The following MBD5 variants were observed in gnomAD, a reference collection of about 807,000 sequenced individuals.
MBD5 encodes methyl-CpG binding domain protein 5.
MBD5 carries 13 observed loss-of-function variants against 117.3 expected under a neutral mutation model. The ratio of observed to expected loss-of-function variants is 0.11; its 90% confidence interval spans 0.07 to 0.18. The LOEUF is 0.18. MBD5 is among the 10% of genes least tolerant of loss of function. The pLI is 1.00. For synonymous variants in MBD5, 727 were observed against 766.4 expected, an observed-to-expected ratio of 0.95 and a Z score of 0.85; for missense variants, 1,879 against 2,093.8, an observed-to-expected ratio of 0.90 and a Z score of 2.00.
chr2:148,294,512 T>TTTGTTTTTTTTTTTTTGTTTGTTTTG (rs1559009573), intron 3 of MBD5, among the ~76,000 whole-genome samples: 1 of 141,270 alleles, frequency 7.1e-6, no homozygotes, highest in African/African-American at 2.7e-5. Context: ...TTTTTTTTTT[T>TTTGTTTTTTTTTTTTTGTTTGTTTTG]TTTTTTTTTG....
At chr2:148,161,271 G>A (rs923841100) in intron 1 of MBD5, among the ~76,000 whole-genome samples, 3 of 152,108 alleles carry the variant, frequency 2.0e-5, no homozygotes, top group Non-Finnish European at 4.4e-5. Context: ...AATCCAGAGT[G>A]GGACATTGAG....
At chr2:148,345,709 TTA>T (rs1703108142) in intron 4 of MBD5, among the ~76,000 whole-genome samples, 1 of 148,854 alleles carries the variant, frequency 6.7e-6, no homozygotes, top group Non-Finnish European at 1.5e-5. Context: ...ATTATATATA[TTA>T]TATATATATG....
chr2:148,206,272 A>G (rs1173379617), intron 2 of MBD5, among the ~76,000 whole-genome samples: 2 of 152,202 alleles, frequency 1.3e-5, no homozygotes, highest in African/African-American at 4.8e-5. Flanking sequence ...TCACATTATC[A>G]TTTAACATTT....
At chr2:148,157,972 G>A (rs1697914638) in intron 1 of MBD5, among the ~76,000 whole-genome samples, 2 of 152,006 alleles carry the variant, frequency 1.3e-5, no homozygotes, top group Admixed American at 6.6e-5. Context: ...ACAATATTGC[G>A]AATGTATTAA....
At chr2:148,124,499 G>A (rs1175397226) in intron 1 of MBD5, among the ~76,000 whole-genome samples, 1 of 151,418 alleles carries the variant, frequency 6.6e-6, no homozygotes, top group Admixed American at 6.6e-5. Flanking sequence ...GATTGCCTGA[G>A]ACCAGTAAGT....
Position 148,490,066 on chromosome 2 carries a change from C to G in MBD5, c.4434C>G (p.His1478Gln). Residue 1478 changes from histidine to glutamine, a missense_variant, in exon 11 of 14, where the codon CAC becomes CAG. His to Gln is a conservative substitution (Grantham distance 24, BLOSUM62 0). Around this residue, in one of 4 missense-constraint regions of MBD5, gnomAD observed 1,666 missense variants for 1,792.2 expected, o/e 0.93. Transcript: ENST00000642680. ...STLPFLPGEQ[H>Q]PILLPPRNCP... ...TGCCATTTCTGCCTGGGGAACAGCA[C>G]CCAATACTGTTACCACCAAGAAACT... The G allele has an allele frequency of 6.2e-7, 1 of 1,613,796 alleles. No individual in the cohort carries two copies.
At chr2:148,101,292 T>G (rs1049399551) in intron 1 of MBD5, among the ~76,000 whole-genome samples, 1 of 151,664 alleles carries the variant, frequency 6.6e-6, no homozygotes, top group Admixed American at 6.6e-5. Context: ...TTCTAAACGT[T>G]AAAATTAGAA....
At chr2:148,107,278 T>C (rs1324424490) in intron 1 of MBD5, among the ~76,000 whole-genome samples, 3 of 152,102 alleles carry the variant, frequency 2.0e-5, no homozygotes, top group African/African-American at 4.8e-5. Context: ...AGTCTTTCAG[T>C]CCTTTGAATG....
intron 1 of MBD5, among the ~76,000 whole-genome samples, chr2:148,047,183 A>G (rs1694556684): frequency 6.6e-6 from 1 of 152,152 alleles, no homozygotes; most frequent in Non-Finnish European, 1.5e-5. Context: ...TTCTTAGTTA[A>G]TGATGCACTC....
intron 1 of MBD5, among the ~76,000 whole-genome samples, chr2:148,068,961 T>C (rs146735502): frequency 3.4e-3 from 522 of 152,292 alleles, no homozygotes; most frequent in East Asian, 8.3e-3. Flanking sequence ...AATATCACAG[T>C]TTTTTAATAA....
chr2:148,321,390 G>T (rs1484529613), intron 3 of MBD5, among the ~76,000 whole-genome samples: 1 of 152,130 alleles, frequency 6.6e-6, no homozygotes, highest in Non-Finnish European at 1.5e-5. Flanking sequence ...GCCATCCTGG[G>T]TCTCATGCAG....
intron 1 of MBD5, among the ~76,000 whole-genome samples, chr2:148,160,306 G>A (rs1241877745): frequency 6.6e-6 from 1 of 152,176 alleles, no homozygotes; most frequent in Non-Finnish European, 1.5e-5. Flanking sequence ...GCTTAGGCAG[G>A]AGAATCACTT....
At chr2:148,475,375 CTTG>C in intron 8 of MBD5, among the ~76,000 whole-genome samples, 1 of 151,728 alleles carries the variant, frequency 6.6e-6, no homozygotes, top group East Asian at 1.9e-4. Flanking sequence ...TAGTCAATGT[CTTG>C]TTGTTTAAGA....
At chr2:148,234,671 G>A (rs1700055568) in intron 3 of MBD5, among the ~76,000 whole-genome samples, 1 of 152,124 alleles carries the variant, frequency 6.6e-6, no homozygotes, top group Admixed American at 6.5e-5. Flanking sequence ...CTGAACTGCT[G>A]ATAATGTATG....
In MBD5 at chr2:148,097,622, G is replaced by A. The variant is rs556628891; in HGVS notation, c.-925+75938G>A. On this transcript the variant is annotated intron_variant, in intron 1 of 13. Transcript: ENST00000642680. ...GAGAATCCCACAGGATGTTTTGAAGGGCCAGTCTTGTAAGTGGTTTGTAAA... is the reference window on the plus strand; with the variant it reads ...GAGAATCCCACAGGATGTTTTGAAGAGCCAGTCTTGTAAGTGGTTTGTAAA... Among the ~76,000 whole-genome samples, 9 of 152,254 alleles carry A rather than the reference G, an allele frequency of 5.9e-5. No homozygotes were observed. In the East Asian group the frequency reaches 1.5e-3, roughly 26 times the overall value.
intron 8 of MBD5, 78 bp from the exon 9 acceptor site, chr2:148,483,032 A>T: frequency 6.7e-7 from 1 of 1,482,910 alleles, no homozygotes; most frequent in Non-Finnish European, 9.2e-7. Flanking sequence ...AATTTATGTT[A>T]ATGCATTTTT....
intron 4 of MBD5, among the ~76,000 whole-genome samples, chr2:148,419,858 T>G (rs1192660609): frequency 6.6e-6 from 1 of 152,146 alleles, no homozygotes; most frequent in Non-Finnish European, 1.5e-5. Flanking sequence ...TAAGAGTTAT[T>G]TATTTTCCCA....
At chr2:148,270,545 C>T (rs929242963) in intron 3 of MBD5, among the ~76,000 whole-genome samples, 8 of 151,982 alleles carry the variant, frequency 5.3e-5, no homozygotes, top group Admixed American at 3.3e-4. Flanking sequence ...TGCACCACCA[C>T]GCCTGGCTAA....
chr2:148,250,636 T>C (rs912648007), intron 3 of MBD5, among the ~76,000 whole-genome samples: 1 of 152,234 alleles, frequency 6.6e-6, no homozygotes, highest in Non-Finnish European at 1.5e-5. Flanking sequence ...TTGTTTTTCA[T>C]TTCCGGACTT....
Sources: allele counts gnomAD v4.1 joint callset (sites outside exome capture counted in the v4.1 genomes callset), GRCh38; gene constraint gnomAD v4.1.1; regional missense constraint gnomAD v4.1.1; transcripts MANE v1.5; gene names NCBI Gene and HGNC (gene_info 2026-07-23, HGNC 2026-07-21).